CNOT4: variants seen among roughly 807,000 people sequenced by gnomAD.
CNOT4 encodes the protein CCR4-NOT transcription complex subunit 4.
A neutral mutation model predicts 73.8 loss-of-function variants in CNOT4; 8 were observed. That is an observed-to-expected ratio of 0.11 (90% CI 0.06 to 0.20). The LOEUF is 0.20. CNOT4 is among the 10% of genes least tolerant of loss of function. CNOT4 has a pLI of 1.00. For synonymous variants in CNOT4, 293 were observed against 321.1 expected (o/e 0.91, Z 0.94); for missense variants, 564 against 883.4 (o/e 0.64, Z 4.58).
intron 1 of CNOT4, among the ~76,000 whole-genome samples, chr7:135,449,890 T>C (rs989643939): frequency 3.3e-5 from 5 of 151,674 alleles, no homozygotes; most frequent in Admixed American, 1.3e-4. Flanking sequence ...GACTTCATGA[T>C]TGGATATTCC....
chr7:135,385,895 G>A (rs1484216694), intron 10 of CNOT4, among the ~76,000 whole-genome samples: 1 of 152,032 alleles, frequency 6.6e-6, no homozygotes, highest in Non-Finnish European at 1.5e-5. Flanking sequence ...TCTAGTTCAA[G>A]TCACTATACA....
chr7:135,412,119 C>T (rs778731828), intron 6 of CNOT4, among the ~76,000 whole-genome samples: 27 of 151,910 alleles, frequency 1.8e-4, no homozygotes, highest in Admixed American at 7.2e-4. Flanking sequence ...ATTTTTAAAA[C>T]ATGAAAAGTC....
At chr7:135,374,437 T>C (rs1795405150) in intron 10 of CNOT4, among the ~76,000 whole-genome samples, 1 of 151,978 alleles carries the variant, frequency 6.6e-6, no homozygotes. Context: ...ATAGCATGGA[T>C]AACAGCAGTG....
At chr7:135,464,273 C>A (rs1234456121) in intron 1 of CNOT4, among the ~76,000 whole-genome samples, 4 of 152,158 alleles carry the variant, frequency 2.6e-5, no homozygotes, top group East Asian at 1.9e-4. Flanking sequence ...ACAGCAAACA[C>A]GTGGAATCAA....
chr7:135,397,522 G>A (rs991526589), intron 8 of CNOT4, among the ~76,000 whole-genome samples: 4 of 151,784 alleles, frequency 2.6e-5, no homozygotes, highest in African/African-American at 9.7e-5. Flanking sequence ...GTGGAGGACT[G>A]GCTATTCTTT....
chr7:135,373,799 C>G (rs1795357299), intron 10 of CNOT4, among the ~76,000 whole-genome samples: 1 of 151,998 alleles, frequency 6.6e-6, no homozygotes, highest in Non-Finnish European at 1.5e-5. Context: ...CCAGGCTGGT[C>G]TCGAACTCCT....
At chr7:135,425,810 CAA>C (rs1036108305) in intron 2 of CNOT4, among the ~76,000 whole-genome samples, 1 of 152,042 alleles carries the variant, frequency 6.6e-6, no homozygotes, top group East Asian at 1.9e-4. Flanking sequence ...GCATGTATTC[CAA>C]AAAAGTTCCT....
chr7:135,405,085 A>T (rs1477726660), intron 7 of CNOT4, among the ~76,000 whole-genome samples: 1 of 152,180 alleles, frequency 6.6e-6, no homozygotes, highest in Admixed American at 6.5e-5. Context: ...TTGGGCTTTA[A>T]AGTCACAGAG....
intron 2 of CNOT4, among the ~76,000 whole-genome samples, chr7:135,437,913 TAAAGGCCA>T (rs1799255114): frequency 6.6e-6 from 1 of 152,022 alleles, no homozygotes; most frequent in African/African-American, 2.4e-5. Context: ...AACAACAAAC[TAAAGGCCA>T]ATCAGAGAGG....
At chr7:135,450,967 T>C (rs759648156) in intron 1 of CNOT4, among the ~76,000 whole-genome samples, 1 of 151,586 alleles carries the variant, frequency 6.6e-6, no homozygotes, top group Non-Finnish European at 1.5e-5. Flanking sequence ...AAAAGAAAAA[T>C]AAGACCCTCC....
chr7:135,446,532 AT>A (rs1295946989), intron 1 of CNOT4, among the ~76,000 whole-genome samples: 5 of 152,206 alleles, frequency 3.3e-5, no homozygotes, highest in Non-Finnish European at 7.3e-5. Flanking sequence ...ACTATATTTA[AT>A]TAACCCTTTA....
In CNOT4 at chr7:135,363,731, C is replaced by A. The variant is rs1000001496; in HGVS notation, c.1840+123G>T. 1.3e-5 allele frequency: 10 copies of A among 750,272 alleles called. No homozygotes were observed. The South Asian group carries it at 2.0e-4, about 15-fold the overall frequency. 46.5% of individuals were successfully genotyped at this position (750,272 alleles called of 1,614,324 possible). A position where few individuals can be genotyped will look rare whatever the true frequency, so the allele number is the denominator to read the frequency against. ...GCATGACCCCTGAGAACGAAACAAGCCACTCCACACTTGCGGCTTTGTGAA... is the reference window on the plus strand; with the variant it reads ...GCATGACCCCTGAGAACGAAACAAGACACTCCACACTTGCGGCTTTGTGAA... On this transcript the variant is annotated intron_variant, in intron 11 of 11. Transcript: ENST00000541284. This position sits in a 1 kb window ranked among gnomAD's most constrained non-coding sequence, Gnocchi z 4.3.
chr7:135,394,521 T>A, intron 9 of CNOT4, 106 bp from the exon 10 acceptor site: 4 of 946,600 alleles, frequency 4.2e-6, no homozygotes, highest in Non-Finnish European at 4.9e-6. Flanking sequence ...ACAAATTAAG[T>A]AAGTGCAAAA....
chr7:135,439,649 G>A (rs543502480), intron 1 of CNOT4, among the ~76,000 whole-genome samples: 30 of 152,090 alleles, frequency 2.0e-4, no homozygotes, highest in Non-Finnish European at 3.1e-4. Context: ...GCATGGTGGC[G>A]CACACTGTAG....
At chr7:135,468,435 C>CT (rs1457475692) in intron 1 of CNOT4, among the ~76,000 whole-genome samples, 1 of 152,090 alleles carries the variant, frequency 6.6e-6, no homozygotes, top group Non-Finnish European at 1.5e-5. Flanking sequence ...AGTCCGAACA[C>CT]TTTGGGAGGC....
intron 1 of CNOT4, among the ~76,000 whole-genome samples, chr7:135,472,279 C>T (rs1432800843): frequency 6.7e-6 from 1 of 149,454 alleles, no homozygotes; most frequent in Non-Finnish European, 1.5e-5. Flanking sequence ...AGATCGAGAC[C>T]ATCCTGGATA....
At chr7:135,426,845 C>A (rs1304562034) in intron 2 of CNOT4, among the ~76,000 whole-genome samples, 1 of 151,420 alleles carries the variant, frequency 6.6e-6, no homozygotes, top group Non-Finnish European at 1.5e-5. Flanking sequence ...ATCGCTTGAA[C>A]CCGGGAGATG....
chr7:135,400,662 G>T (rs1356884745), intron 7 of CNOT4, among the ~76,000 whole-genome samples: 2 of 152,066 alleles, frequency 1.3e-5, no homozygotes, highest in African/African-American at 4.8e-5. Flanking sequence ...ATATCACTTT[G>T]TCCACCATCC....
At chr7:135,422,676 G>A (rs1798257697) in intron 2 of CNOT4, among the ~76,000 whole-genome samples, 1 of 152,082 alleles carries the variant, frequency 6.6e-6, no homozygotes, top group Non-Finnish European at 1.5e-5. Flanking sequence ...AGCCTCTAAG[G>A]TGCTATGTAA....
Sources: gnomAD v4.1 joint callset for allele counts (sites outside exome capture counted in the v4.1 genomes callset) on GRCh38, gnomAD v4.1.1 for gene constraint, Gnocchi (gnomAD v3.1) non-coding constraint, MANE v1.5 for transcripts, NCBI Gene and HGNC (gene_info 2026-07-23, HGNC 2026-07-21) for gene names.